Variants in RALA observed in about 807,000 individuals in gnomAD.
The protein encoded by RALA is ras-related protein Ral-A.
Under a neutral mutation model 24.0 loss-of-function variants are expected in RALA, and 5 were observed. That is an observed-to-expected ratio of 0.21 (90% CI 0.11 to 0.44). RALA has a LOEUF of 0.44. RALA is among the 20% of genes least tolerant of loss of function. The pLI, the probability that RALA is intolerant of heterozygous loss-of-function variation, is 0.99. For synonymous variants in RALA, 77 were observed against 83.8 expected (o/e 0.92, Z 0.44); for missense variants, 95 against 241.2 (o/e 0.39, Z 4.01).
At chr7:39,686,553 T>C in intron 1 of RALA, 78 bp from the exon 2 acceptor site, 1 of 810,182 alleles carries the variant, frequency 1.2e-6, no homozygotes, top group Non-Finnish European at 2.0e-6. Flanking sequence ...TATTGAACTC[T>C]AAGGACATAT....
At chr7:39,668,809 A>AG (rs1223238379) in intron 1 of RALA, among the ~76,000 whole-genome samples, 3 of 151,280 alleles carry the variant, frequency 2.0e-5, no homozygotes, top group Non-Finnish European at 4.4e-5. Flanking sequence ...AAAAAAAAAA[A>AG]AAAAGAAAAG....
intron 1 of RALA, among the ~76,000 whole-genome samples, chr7:39,634,877 A>G (rs956160476): frequency 1.3e-5 from 2 of 151,920 alleles, no homozygotes; most frequent in African/African-American, 2.4e-5. Context: ...TAAAGTTTCT[A>G]CTTATCTGGT....
chr7:39,651,345 A>G (rs913724805), intron 1 of RALA, among the ~76,000 whole-genome samples: 2 of 152,368 alleles, frequency 1.3e-5, no homozygotes, highest in Admixed American at 1.3e-4. Context: ...TTTGTCACAC[A>G]GACCGACCCT....
chr7:39,655,415 G>A (rs1792080132), intron 1 of RALA, among the ~76,000 whole-genome samples: 1 of 152,194 alleles, frequency 6.6e-6, no homozygotes, highest in Non-Finnish European at 1.5e-5. Flanking sequence ...TGTATGGAGG[G>A]GAGATGGAGG....
chr7:39,668,613 C>T (rs1381149098), intron 1 of RALA, among the ~76,000 whole-genome samples: 6 of 151,574 alleles, frequency 4.0e-5, no homozygotes, highest in African/African-American at 9.7e-5. Context: ...GCTTGACCAA[C>T]GTGGAGAAAC....
intron 1 of RALA, among the ~76,000 whole-genome samples, chr7:39,675,524 G>A (rs1792468914): frequency 6.6e-6 from 1 of 152,062 alleles, no homozygotes; most frequent in Admixed American, 6.5e-5. Flanking sequence ...TCGAGCCCAG[G>A]CGTTCAAGAC....
At chr7:39,647,407 T>A (rs1456024950) in intron 1 of RALA, among the ~76,000 whole-genome samples, 1 of 152,210 alleles carries the variant, frequency 6.6e-6, no homozygotes, top group Non-Finnish European at 1.5e-5. Flanking sequence ...TGTGATTGTT[T>A]CTGATCAAAA....
chr7:39,698,233 C>G (rs1792957072), intron 4 of RALA, among the ~76,000 whole-genome samples: 1 of 152,168 alleles, frequency 6.6e-6, no homozygotes, highest in Admixed American at 6.5e-5. Context: ...AAGGCCCCAT[C>G]TCTTATTGCC....
chr7:39,659,966 A>T (rs955610837), intron 1 of RALA, among the ~76,000 whole-genome samples: 1 of 152,228 alleles, frequency 6.6e-6, no homozygotes, highest in Admixed American at 6.5e-5. Flanking sequence ...AGCTATGTGC[A>T]GCTCTTGGCC....
intron 1 of RALA, among the ~76,000 whole-genome samples, chr7:39,670,013 C>T (rs1054732785): frequency 6.6e-6 from 1 of 152,112 alleles, no homozygotes; most frequent in South Asian, 2.1e-4. Context: ...ATAAATATAT[C>T]AATAACAGAA....
chr7:39,645,261 T>C (rs1562610038), intron 1 of RALA, among the ~76,000 whole-genome samples: 1 of 152,232 alleles, frequency 6.6e-6, no homozygotes, highest in Non-Finnish European at 1.5e-5. Context: ...TAGCTTACTT[T>C]TGTTATATTA....
chr7:39,697,253 G>A (rs776743408), intron 4 of RALA, among the ~76,000 whole-genome samples: 5 of 152,042 alleles, frequency 3.3e-5, no homozygotes, highest in Non-Finnish European at 7.4e-5. Flanking sequence ...AAAAATAAGG[G>A]TACCTCCCAA....
intron 1 of RALA, among the ~76,000 whole-genome samples, chr7:39,633,278 GAA>G (rs1160364222): frequency 3.3e-5 from 5 of 152,206 alleles, no homozygotes; most frequent in Non-Finnish European, 5.9e-5. Context: ...AATTTATAAA[GAA>G]AAGAGGTTTA....
At chr7:39,664,979 C>T (rs1029376908) in intron 1 of RALA, among the ~76,000 whole-genome samples, 2 of 152,084 alleles carry the variant, frequency 1.3e-5, no homozygotes, top group East Asian at 3.9e-4. Flanking sequence ...CTTTTGACTT[C>T]GTTTACAACA....
At chr7:39,687,332 C>T (rs6969272) in intron 2 of RALA, among the ~76,000 whole-genome samples, 35,280 of 151,244 alleles carry the variant, frequency 0.23, 4,965 homozygotes, top group African/African-American at 0.36. Flanking sequence ...GAGGCTGAGG[C>T]AGGAGAATGG....
chr7:39,665,952 G>A (rs1792280761), intron 1 of RALA, among the ~76,000 whole-genome samples: 1 of 152,016 alleles, frequency 6.6e-6, no homozygotes, highest in African/African-American at 2.4e-5. Flanking sequence ...TGAATGATAG[G>A]TCTAAAGTTG....
intron 1 of RALA, among the ~76,000 whole-genome samples, chr7:39,675,369 T>G (rs1050432955): frequency 7.9e-5 from 12 of 152,204 alleles, no homozygotes; most frequent in Non-Finnish European, 1.6e-4. Context: ...TTTCAGATTT[T>G]GGAGCATGTC....
At chr7:39,673,727 G>T (rs150604980) in intron 1 of RALA, among the ~76,000 whole-genome samples, 2 of 151,886 alleles carry the variant, frequency 1.3e-5, no homozygotes, top group East Asian at 1.9e-4. Context: ...TTCTAATATG[G>T]TACCACTTCC....
chr7:39,667,784 C>G (rs1792310464), intron 1 of RALA, among the ~76,000 whole-genome samples: 1 of 152,226 alleles, frequency 6.6e-6, no homozygotes, highest in Non-Finnish European at 1.5e-5. Context: ...ACTAGGAGTT[C>G]TAATGAACAT....
Sources: allele counts gnomAD v4.1 joint callset (sites outside exome capture counted in the v4.1 genomes callset), GRCh38; gene constraint gnomAD v4.1.1; transcripts MANE v1.5; gene names NCBI Gene and HGNC (gene_info 2026-07-23, HGNC 2026-07-21).